PDE1C: variants seen among roughly 807,000 people sequenced by gnomAD.
PDE1C encodes dual specificity calcium/calmodulin-dependent 3',5'-cyclic nucleotide phosphodiesterase 1C.
PDE1C carries 62 observed loss-of-function variants against 93.1 expected under a neutral mutation model. The observed-to-expected ratio is 0.67, with a 90% CI of 0.54 to 0.82. PDE1C has a LOEUF of 0.82. Ranked by LOEUF, PDE1C falls within the 40% of genes least tolerant of loss-of-function variation. The probability of loss-of-function intolerance (pLI) is 0.00; values close to 1 mark genes in which losing one functional copy is unlikely to be tolerated. For synonymous variants in PDE1C, 325 were observed against 310.1 expected (o/e 1.05, Z -0.50); for missense variants, 742 against 884.6 (o/e 0.84, Z 2.04).
At chr7:31,650,707 C>G in the PDE1C span, among the ~76,000 whole-genome samples, 1 of 152,188 alleles carries the variant, frequency 6.6e-6, no homozygotes, top group Non-Finnish European at 1.5e-5. Context: ...TAATCAAACA[C>G]ATACCAGCTG....
At chr7:31,898,798 CTGTT>C (rs1799620668) in intron 2 of PDE1C, among the ~76,000 whole-genome samples, 1 of 152,088 alleles carries the variant, frequency 6.6e-6, no homozygotes, top group African/African-American at 2.4e-5. Flanking sequence ...CCTGGTAAGA[CTGTT>C]TGGAAGGCAA....
At chr7:32,250,628 C>T (rs983031950) in intron 1 of PDE1C, among the ~76,000 whole-genome samples, 5 of 152,158 alleles carry the variant, frequency 3.3e-5, no homozygotes, top group African/African-American at 7.2e-5. Context: ...TGTTTTATGA[C>T]GATCACTGAT....
chr7:31,778,532 G>C (rs567989064), intron 16 of PDE1C, among the ~76,000 whole-genome samples: 1 of 152,274 alleles, frequency 6.6e-6, no homozygotes, highest in East Asian at 1.9e-4. Flanking sequence ...CTCCTCCCTA[G>C]TCATGACGAT....
chr7:31,998,199 T>A (rs1475998744), intron 2 of PDE1C, among the ~76,000 whole-genome samples: 1 of 151,956 alleles, frequency 6.6e-6, no homozygotes, highest in Non-Finnish European at 1.5e-5. Context: ...TTTTGTATTT[T>A]TAGTAGAGAC....
intron 1 of PDE1C, among the ~76,000 whole-genome samples, chr7:32,389,605 A>G (rs1784714352): frequency 6.6e-6 from 1 of 152,218 alleles, no homozygotes. Flanking sequence ...AGGCCAATCC[A>G]GGTGGGTTGC....
chr7:31,834,259 G>A (rs1170083256), intron 11 of PDE1C, among the ~76,000 whole-genome samples: 2 of 152,212 alleles, frequency 1.3e-5, no homozygotes, highest in African/African-American at 4.8e-5. Flanking sequence ...TAGTGTGGAA[G>A]CAAAATGTGG....
intron 3 of PDE1C, among the ~76,000 whole-genome samples, chr7:32,105,974 T>A (rs556368587): frequency 6.6e-6 from 1 of 152,286 alleles, no homozygotes; most frequent in African/African-American, 2.4e-5. Context: ...TCTCTATCCA[T>A]GTATACAGCT....
At chr7:32,412,953 G>A (rs931456629) in intron 1 of PDE1C, among the ~76,000 whole-genome samples, 15 of 152,160 alleles carry the variant, frequency 9.9e-5, no homozygotes, top group African/African-American at 3.1e-4. Context: ...TGGGAGTACA[G>A]CGGAGATTGA....
intron 9 of PDE1C, among the ~76,000 whole-genome samples, chr7:31,847,203 T>C (rs1792748495): frequency 6.6e-6 from 1 of 151,988 alleles, no homozygotes. Flanking sequence ...TTTATCATAA[T>C]CTATCCCAAC....
intron 1 of PDE1C, among the ~76,000 whole-genome samples, chr7:32,378,148 G>A (rs1344528013): frequency 1.3e-5 from 2 of 152,148 alleles, no homozygotes; most frequent in Non-Finnish European, 2.9e-5. Flanking sequence ...TGCATTTACT[G>A]TGTTTTATGT....
At chr7:32,384,068 G>C (rs893183874) in intron 1 of PDE1C, among the ~76,000 whole-genome samples, 2 of 152,290 alleles carry the variant, frequency 1.3e-5, no homozygotes, top group Non-Finnish European at 2.9e-5. Context: ...CTGCTCAGAA[G>C]CCAAAAAGAG....
intron 3 of PDE1C, among the ~76,000 whole-genome samples, chr7:32,084,629 G>T (rs140838003): frequency 1.3e-5 from 2 of 151,196 alleles, no homozygotes; most frequent in Admixed American, 6.6e-5. Flanking sequence ...AAATGTAAAA[G>T]AACAGAAATT....
chr7:31,952,446 C>T (rs1037860657), intron 2 of PDE1C, among the ~76,000 whole-genome samples: 4 of 152,120 alleles, frequency 2.6e-5, no homozygotes, highest in African/African-American at 9.7e-5. Flanking sequence ...GACAGGATTT[C>T]ACCATGTTGC....
At chr7:32,345,421 C>A (rs1219495045) in intron 1 of PDE1C, among the ~76,000 whole-genome samples, 4 of 152,166 alleles carry the variant, frequency 2.6e-5, no homozygotes, top group African/African-American at 9.7e-5. Flanking sequence ...CCGTGGCTTC[C>A]AATTTCTTCC....
chr7:32,141,953 C>A (rs543224907), intron 3 of PDE1C, among the ~76,000 whole-genome samples: 10 of 152,142 alleles, frequency 6.6e-5, no homozygotes, highest in Admixed American at 5.2e-4. Context: ...ACCCACCCCC[C>A]AAAAAATAAT....
In PDE1C at chr7:31,945,366, G is replaced by GT. The variant is rs1806475702; in HGVS notation, c.129-64507dup. 2.6e-5 allele frequency among the ~76,000 whole-genome samples: 4 copies of GT among 151,976 alleles called. No homozygotes were observed. In the South Asian group the frequency reaches 8.3e-4, roughly 32 times the overall value. ...TTAAATAGATCTGAGTCTCCAACCT[G>GT]TATCATTGTTCTCCTGGCTTTTAAC... On this transcript the variant is annotated intron_variant, in intron 2 of 17. Transcript: ENST00000396191.
intron 1 of PDE1C, among the ~76,000 whole-genome samples, chr7:32,335,120 A>G (rs537915917): frequency 1.1e-4 from 17 of 152,210 alleles, no homozygotes; most frequent in Non-Finnish European, 2.2e-4. Flanking sequence ...AAGTGATTAT[A>G]TGGACATATT....
chr7:31,672,640 GAAAT>G, the PDE1C span, among the ~76,000 whole-genome samples: 5 of 151,796 alleles, frequency 3.3e-5, no homozygotes, highest in African/African-American at 9.7e-5. Flanking sequence ...GGGGAGTGTA[GAAAT>G]AAATAAAGAC....
chr7:31,975,349 T>TACAGGTG (rs1419039696), intron 2 of PDE1C, among the ~76,000 whole-genome samples: 2 of 152,154 alleles, frequency 1.3e-5, no homozygotes, highest in Non-Finnish European at 2.9e-5. Flanking sequence ...ACTTTTTCCT[T>TACAGGTG]ACAGGTGACA....
Sources: gnomAD v4.1 joint callset for allele counts (sites outside exome capture counted in the v4.1 genomes callset) on GRCh38, gnomAD v4.1.1 for gene constraint, MANE v1.5 for transcripts, NCBI Gene and HGNC (gene_info 2026-07-23, HGNC 2026-07-21) for gene names.